Variants in ERVV-2 observed in about 807,000 individuals in gnomAD.
ERVV-2 encodes the protein endogenous retrovirus group V member 2 Env polyprotein.
For synonymous variants in ERVV-2, 105 were observed against 184.6 expected, an observed-to-expected ratio of 0.57 and a Z score of 3.49; for missense variants, 291 against 495.1, an observed-to-expected ratio of 0.59 and a Z score of 3.91.
rs928683823 is a variant in ERVV-2, at chr19:53,051,610, C to T, written c.*751C>T. On this transcript the variant is annotated 3_prime_UTR_variant, in exon 2 of 2. Transcript: ENST00000601417. ...ATGACTTTAAAAGCTCCCATAAAAA[C>T]TAAGGCACTAGCAGCTGGCTCATTC... 7.2e-5 allele frequency among the ~76,000 whole-genome samples: 11 copies of T among 152,154 alleles called. No homozygotes were observed. Among genetic ancestry groups the T allele is most frequent in the African/African-American group, 2.7e-4 (11 of 41,440 alleles).
Position 53,051,426 on chromosome 19 carries a change from G to A in ERVV-2, c.*567G>A, listed in dbSNP as rs931197159. Reference sequence around the variant, plus strand: ...CTCCTAAAGTGCTGGGATTATAGACGTGAGCCACTGCGCCTGGCTACTCAG... The same window carrying A: ...CTCCTAAAGTGCTGGGATTATAGACATGAGCCACTGCGCCTGGCTACTCAG... On this transcript the variant is annotated 3_prime_UTR_variant, in exon 2 of 2. Coordinates refer to ENST00000601417, the MANE Select transcript of ERVV-2 (RefSeq NM_001191055.2). Among the ~76,000 whole-genome samples the A allele has an allele frequency of 2.0e-5, 3 of 151,974 alleles. No individual in the cohort carries two copies. The East Asian group carries it at 5.8e-4, about 29-fold the overall frequency.
rs558138004 is a variant in ERVV-2, at chr19:53,051,423, G to A, written c.*564G>A. Among the ~76,000 whole-genome samples the A allele has an allele frequency of 6.6e-6, 1 of 152,204 alleles. No individual in the cohort carries two copies. Among genetic ancestry groups the A allele is most frequent in the African/African-American group, 2.4e-5 (1 of 41,540 alleles). On this transcript the variant is annotated 3_prime_UTR_variant, in exon 2 of 2. Transcript: ENST00000601417. ...GGCCTCCTAAAGTGCTGGGATTATA[G>A]ACGTGAGCCACTGCGCCTGGCTACT... is the stretch of plus-strand genomic sequence containing the variant.
At position 53,050,060 on chromosome 19, in the gene ERVV-2, G is replaced by C; in HGVS notation, c.809G>C (p.Ser270Thr). Residue 270 changes from serine (S) to threonine (T), a missense_variant, in exon 2 of 2, where the codon AGT becomes ACT. Coordinates refer to ENST00000601417, the MANE Select transcript of ERVV-2 (RefSeq NM_001191055.2). ...AAAAATAAACTGCCCTTTGATGGAA[G>C]TCCTAAGATAACCTATTCAACCCCC... The part of the protein sequence containing the change: ...PQKNKLPFDG[S>T]PKITYSTPPV... The C allele has an allele frequency of 1.4e-6, 2 of 1,469,342 alleles. No homozygotes were observed. Among genetic ancestry groups the C allele is most frequent in the Non-Finnish European group, 1.8e-6 (2 of 1,099,402 alleles). The allele number at this position is 1,469,342 out of a possible 1,614,324, so 91.0% of individuals were successfully genotyped here.
In ERVV-2 at chr19:53,050,926, G is replaced by T; in HGVS notation, c.*67G>T. The T allele has an allele frequency of 7.2e-7, 1 of 1,387,598 alleles. No individual in the cohort carries two copies. Among genetic ancestry groups the T allele is most frequent in the East Asian group, 2.5e-5 (1 of 40,058 alleles). 86.0% of individuals were successfully genotyped at this position (1,387,598 alleles called of 1,614,324 possible). A position where few individuals can be genotyped will look rare whatever the true frequency, so the allele number is the denominator to read the frequency against. ...ATGTCAGCAGGAAGTAGTTACAGAA[G>T]ACCCACGACGTCCTTACAACCAGAG... is the stretch of plus-strand genomic sequence containing the variant. On this transcript the variant is annotated 3_prime_UTR_variant, in exon 2 of 2. Coordinates refer to ENST00000601417, the MANE Select transcript of ERVV-2 (RefSeq NM_001191055.2).
chr19:53,045,973 TC>T (rs1450558004), intron 1 of ERVV-2, among the ~76,000 whole-genome samples: 18 of 152,180 alleles, frequency 1.2e-4, no homozygotes, highest in African/African-American at 4.3e-4. Flanking sequence ...AAGAAATCCC[TC>T]ATTTTGGCCG....
At chr19:53,046,976 G>A (rs1231365422) in intron 1 of ERVV-2, among the ~76,000 whole-genome samples, 1 of 152,080 alleles carries the variant, frequency 6.6e-6, no homozygotes, top group African/African-American at 2.4e-5. Context: ...GACCAGCCTG[G>A]CCAATATGGT....
chr19:53,050,757 T>C lies in ERVV-2; in HGVS notation c.1506T>C (p.Tyr502=), dbSNP rs1209391213. 7 of 1,536,008 alleles carry C rather than the reference T, an allele frequency of 4.6e-6. No individual in the cohort carries two copies. Among genetic ancestry groups the C allele is most frequent in the Admixed American group, 2.0e-5 (1 of 50,978 alleles). ...FHMKSPQMER[Y]QLSVIGGPST... ...TGAAGTCCCCCCAAATGGAAAGATATCAGCTATCTGTCATTGGAGGCCCCA... is the reference window on the plus strand; with the variant it reads ...TGAAGTCCCCCCAAATGGAAAGATACCAGCTATCTGTCATTGGAGGCCCCA... Residue 502 remains tyrosine, a synonymous_variant, in exon 2 of 2, where the codon TAT becomes TAC. Coordinates refer to ENST00000601417, the MANE Select transcript of ERVV-2 (RefSeq NM_001191055.2).
In ERVV-2 at chr19:53,050,572, A is replaced by G. The variant is rs557259411; in HGVS notation, c.1321A>G (p.Arg441Gly). The change falls in exon 2 of 2, where the codon AGG becomes GGG. Residue 441 changes from arginine to glycine, a missense_variant. By Grantham distance (125) the Arg-to-Gly change is moderately radical. Transcript: ENST00000601417. ...CTTTGGAAAAGGAGGTGCTTCAGCA[A>G]GGGCCATCTGGGAGGCTGTGAAGTC... The part of the protein sequence containing the change: ...HDFGKGGASA[R>G]AIWEAVKSAL... 1.2e-4 allele frequency: 103 copies of G among 862,848 alleles called. No individual in the cohort carries two copies. The Admixed American group carries it at 1.5e-3, about 13-fold the overall frequency. 53.4% of individuals were successfully genotyped at this position (862,848 alleles called of 1,614,324 possible).
In ERVV-2 at chr19:53,050,541, C is replaced by G; in HGVS notation, c.1290C>G (p.Leu430=). 1 of 754,520 alleles carries G rather than the reference C, an allele frequency of 1.3e-6. No individual in the cohort carries two copies. The highest frequency in any genetic ancestry group is 1.5e-5 in the South Asian group (1 of 68,574). The allele number at this position is 754,520 out of a possible 1,614,324, so 46.7% of individuals were successfully genotyped here. The stretch of plus-strand genomic sequence containing the variant: ...AGATCTATGATGAGGCTACGTGGCT[C>G]CATGACTTTGGAAAAGGAGGTGCTT... The part of the protein sequence containing the change: ...IKKIYDEATW[L]HDFGKGGASA... Residue 430 remains leucine, a synonymous_variant, in exon 2 of 2, where the codon CTC becomes CTG. Transcript: ENST00000601417.
In ERVV-2 at chr19:53,048,945, A is replaced by G. The variant is rs8103956; in HGVS notation, c.-307A>G. ...TGGGAAGGTCCCGAAGAACCACAGAAGAACAACAGAATTCAGCACCTGAGC... is the reference window on the plus strand; with the variant it reads ...TGGGAAGGTCCCGAAGAACCACAGAGGAACAACAGAATTCAGCACCTGAGC... On this transcript the variant is annotated 5_prime_UTR_variant, in exon 2 of 2. Coordinates refer to ENST00000601417, the MANE Select transcript of ERVV-2 (RefSeq NM_001191055.2). 0.49 allele frequency: 260,186 copies of G among 528,972 alleles called. 55,524 individuals carry two copies. Among genetic ancestry groups the G allele is most frequent in the Admixed American group, 0.58 (17,650 of 30,182 alleles). The allele number at this position is 528,972 out of a possible 1,614,324, so 32.8% of individuals were successfully genotyped here. A position where few individuals can be genotyped will look rare whatever the true frequency, so the allele number is the denominator to read the frequency against.
At position 53,051,551 on chromosome 19, in the gene ERVV-2, C is replaced by T. The variant is rs779090447; in HGVS notation, c.*692C>T. Among the ~76,000 whole-genome samples, 4 of 152,110 alleles carry T rather than the reference C, an allele frequency of 2.6e-5. No homozygotes were observed. Among genetic ancestry groups the T allele is most frequent in the African/African-American group, 4.8e-5 (2 of 41,414 alleles). On this transcript the variant is annotated 3_prime_UTR_variant, in exon 2 of 2. Transcript: ENST00000601417. The stretch of plus-strand genomic sequence containing the variant: ...AGTAGACACGTCCTTTTGATCAGCC[C>T]GCCCTGTTCTGTCTTTCTGGGTGTA...
chr19:53,050,438 G>A lies in ERVV-2; in HGVS notation c.1187G>A (p.Gly396Asp). The A allele has an allele frequency of 1.4e-6, 1 of 725,412 alleles. No homozygotes were observed. Among genetic ancestry groups the A allele is most frequent in the Non-Finnish European group, 2.5e-6 (1 of 405,624 alleles). The allele number at this position is 725,412 out of a possible 1,614,324, so 44.9% of individuals were successfully genotyped here. A position where few individuals can be genotyped will look rare whatever the true frequency, so the allele number is the denominator to read the frequency against. ...LALDYLLAEQGGVCAVINKSC... is the reference protein window; with the variant it reads ...LALDYLLAEQDGVCAVINKSC... ...TTAGATTACCTCTTAGCAGAGCAGGGTGGAGTCTGTGCAGTGATCAATAAA... is the reference window on the plus strand; with the variant it reads ...TTAGATTACCTCTTAGCAGAGCAGGATGGAGTCTGTGCAGTGATCAATAAA... The change falls in exon 2 of 2, where the codon GGT (glycine) becomes GAT (aspartate). Residue 396 changes from glycine to aspartate, a missense_variant. Transcript: ENST00000601417.
chr19:53,048,931 C>T lies in ERVV-2; in HGVS notation c.-321C>T, dbSNP rs139002039. The T allele has an allele frequency of 2.1e-4, 105 of 503,420 alleles. No homozygotes were observed. The highest frequency in any genetic ancestry group is 1.8e-3 in the African/African-American group (94 of 51,716). 31.2% of individuals were successfully genotyped at this position (503,420 alleles called of 1,614,324 possible). A position where few individuals can be genotyped will look rare whatever the true frequency, so the allele number is the denominator to read the frequency against. ...CTCAAGTGAAACTGTGGGAAGGTCCCGAAGAACCACAGAAGAACAACAGAA... is the reference window on the plus strand; with the variant it reads ...CTCAAGTGAAACTGTGGGAAGGTCCTGAAGAACCACAGAAGAACAACAGAA... On this transcript the variant is annotated 5_prime_UTR_variant, in exon 2 of 2. An upstream open reading frame in the 5' UTR gains an earlier in-frame stop. Coordinates refer to ENST00000601417, the MANE Select transcript of ERVV-2 (RefSeq NM_001191055.2).
rs2083900988 is a variant in ERVV-2, at chr19:53,048,921, G to T, written c.-331G>T. The T allele has an allele frequency of 2.1e-6, 1 of 484,286 alleles. No homozygotes were observed. Among genetic ancestry groups the T allele is most frequent in the East Asian group, 4.3e-5 (1 of 23,518 alleles). The allele number at this position is 484,286 out of a possible 1,614,324, so 30.0% of individuals were successfully genotyped here. On this transcript the variant is annotated 5_prime_UTR_variant, in exon 2 of 2. Coordinates refer to ENST00000601417, the MANE Select transcript of ERVV-2 (RefSeq NM_001191055.2). The stretch of plus-strand genomic sequence containing the variant: ...ATACATCAGTCTCAAGTGAAACTGT[G>T]GGAAGGTCCCGAAGAACCACAGAAG...
Position 53,050,573 on chromosome 19 carries a change from G to A in ERVV-2, c.1322G>A (p.Arg441Lys), listed in dbSNP as rs191985458. ...HDFGKGGASARAIWEAVKSAL... is the reference protein window; with the variant it reads ...HDFGKGGASAKAIWEAVKSAL... Reference sequence around the variant, plus strand: ...TTTGGAAAAGGAGGTGCTTCAGCAAGGGCCATCTGGGAGGCTGTGAAGTCT... The same window carrying A: ...TTTGGAAAAGGAGGTGCTTCAGCAAAGGCCATCTGGGAGGCTGTGAAGTCT... Residue 441 changes from arginine (R) to lysine (K), a missense_variant, in exon 2 of 2, where the codon AGG (arginine) becomes AAG (lysine). Physicochemically the swap from Arg to Lys is conservative, Grantham distance 26 (BLOSUM62 2). Transcript: ENST00000601417. 4,011 of 864,704 alleles carry A rather than the reference G, an allele frequency of 4.6e-3. 12 individuals are homozygous for A. Among genetic ancestry groups the A allele is most frequent in the Non-Finnish European group, 6.4e-3 (3,430 of 533,152 alleles). The allele number at this position is 864,704 out of a possible 1,614,324, so 53.6% of individuals were successfully genotyped here.
chr19:53,047,906 G>A (rs1197869435), intron 1 of ERVV-2, among the ~76,000 whole-genome samples: 2 of 152,198 alleles, frequency 1.3e-5, no homozygotes, highest in Non-Finnish European at 2.9e-5. Flanking sequence ...GAGCTTAAAT[G>A]TTAATACCAT....
In ERVV-2 at chr19:53,050,951, G is replaced by A; in HGVS notation, c.*92G>A. 2 of 1,210,990 alleles carry A rather than the reference G, an allele frequency of 1.7e-6. No individual in the cohort carries two copies. The highest frequency in any genetic ancestry group is 1.5e-5 in the African/African-American group (1 of 64,720). 75.0% of individuals were successfully genotyped at this position (1,210,990 alleles called of 1,614,324 possible). On this transcript the variant is annotated 3_prime_UTR_variant, in exon 2 of 2. Coordinates refer to ENST00000601417, the MANE Select transcript of ERVV-2 (RefSeq NM_001191055.2). ...GACCCACGACGTCCTTACAACCAGAGCTTTTCAGGGTCTCCATCTCTTGAG... is the reference window on the plus strand; with the variant it reads ...GACCCACGACGTCCTTACAACCAGAACTTTTCAGGGTCTCCATCTCTTGAG...
At chr19:53,047,404 G>A (rs1223477662) in intron 1 of ERVV-2, among the ~76,000 whole-genome samples, 1 of 152,122 alleles carries the variant, frequency 6.6e-6, no homozygotes, top group East Asian at 1.9e-4. Flanking sequence ...CACAACTACT[G>A]GGCTTCCTGC....
chr19:53,045,691 C>A (rs1048532494), intron 1 of ERVV-2, among the ~76,000 whole-genome samples: 1 of 152,022 alleles, frequency 6.6e-6, no homozygotes, highest in Admixed American at 6.6e-5. Context: ...ACCATATGCC[C>A]CCACCGTTGA....
Sources: allele counts gnomAD v4.1 joint callset (sites outside exome capture counted in the v4.1 genomes callset), GRCh38; gene constraint gnomAD v4.1.1; transcripts MANE v1.5; gene names NCBI Gene and HGNC (gene_info 2026-07-23, HGNC 2026-07-21).